NPW: variants seen among roughly 807,000 people sequenced by gnomAD.
NPW encodes the protein neuropeptide W, also known as prepro-neuropeptide W.
NPW carries 8 observed loss-of-function variants against 9.9 expected under a neutral mutation model. The observed-to-expected ratio is 0.81, with a 90% CI of 0.47 to 1.46. NPW has a LOEUF of 1.46. Among genes scored for constraint, NPW ranks in the 40% most tolerant of loss-of-function variants. The pLI is 0.00. For synonymous variants in NPW, 134 were observed against 119.9 expected, an observed-to-expected ratio of 1.12 and a Z score of -0.77; for missense variants, 287 against 240.3, an observed-to-expected ratio of 1.19 and a Z score of -1.28.
In NPW at chr16:2,020,703, C is replaced by T. The variant is rs1259505029; in HGVS notation, c.*84C>T. 18 of 767,988 alleles carry T rather than the reference C, an allele frequency of 2.3e-5. No homozygotes were observed. In the East Asian group the frequency reaches 4.7e-4, roughly 20 times the overall value. 47.6% of individuals were successfully genotyped at this position (767,988 alleles called of 1,614,324 possible). On this transcript the variant is annotated 3_prime_UTR_variant, in exon 2 of 2. Transcript: ENST00000566435. ...GCTTCCAGGAGCCGCTCATAGACCC[C>T]GCCTGCCGTCCGGTCAATAAAATCC...
chr16:2,020,108 C>A lies in NPW; in HGVS notation c.207C>A (p.Ala69=), dbSNP rs780963954. 5.3e-6 allele frequency: 8 copies of A among 1,515,588 alleles called. No individual in the cohort carries two copies. The highest frequency in any genetic ancestry group is 6.1e-6 in the Non-Finnish European group (7 of 1,141,220). 93.9% of individuals were successfully genotyped at this position (1,515,588 alleles called of 1,614,324 possible). Reference sequence around the variant, plus strand: ...TGTGGCGCCGCGCGCTGCGCGCGGCCGCCGGGCCCCTGGCCAGGGACACCC... The same window carrying A: ...TGTGGCGCCGCGCGCTGCGCGCGGCAGCCGGGCCCCTGGCCAGGGACACCC... Residue 69 remains alanine, a synonymous_variant, in exon 1 of 2, where the codon GCC becomes GCA. Coordinates refer to ENST00000566435, the MANE Select transcript of NPW (RefSeq NM_001099456.3).
At chr16:2,020,473 CG>C (rs1394589590) in intron 1 of NPW, 59 bp from the exon 2 acceptor site, 13 of 1,397,420 alleles carry the variant, frequency 9.3e-6, no homozygotes, top group Non-Finnish European at 1.3e-5. Flanking sequence ...CCCTGGCACC[CG>C]GGGGCGGTGG....
chr16:2,020,015 G>A lies in NPW; in HGVS notation c.114G>A (p.Ala38=), dbSNP rs966670620. ...CCGGCGCGTGGTACAAGCACGTGGC[G>A]AGTCCCCGCTACCACACGGTGGGCC... The change falls in exon 1 of 2, where the codon GCG becomes GCA. Residue 38 remains alanine (A), a synonymous_variant. Transcript: ENST00000566435. 1.3e-6 allele frequency: 2 copies of A among 1,497,806 alleles called. No homozygotes were observed. The highest frequency in any genetic ancestry group is 1.8e-6 in the Non-Finnish European group (2 of 1,129,470). 92.8% of individuals were successfully genotyped at this position (1,497,806 alleles called of 1,614,324 possible). A position where few individuals can be genotyped will look rare whatever the true frequency, so the allele number is the denominator to read the frequency against.
chr16:2,020,093 CGCGCTGCGCGCGGCCGCCGG>C lies in NPW; in HGVS notation c.195_214del (p.Leu66ProfsTer107), dbSNP rs773088080. On this transcript the variant is annotated frameshift_variant, in exon 1 of 2. Transcript: ENST00000566435. LOFTEE classifies it high-confidence loss of function. ...GTCGCTCACCCTATCTGTGGCGCCG[CGCGCTGCGCGCGGCCGCCGG>C]GCCCCTGGCCAGGGACACCCTCTCC... 4.7e-6 allele frequency: 7 copies of C among 1,500,290 alleles called. No homozygotes were observed. The South Asian group carries it at 7.5e-5, about 16-fold the overall frequency. The allele number at this position is 1,500,290 out of a possible 1,614,324, so 92.9% of individuals were successfully genotyped here. A position where few individuals can be genotyped will look rare whatever the true frequency, so the allele number is the denominator to read the frequency against.
rs2083825845 is a variant in NPW at position 2,019,877 on chromosome 16, C to T, written c.-25C>T. ...CCGAGCCGGTTCGTGGCCCGCCCCG[C>T]CGGGCGGCCGTCGACGCGAGCGCCC... On this transcript the variant is annotated 5_prime_UTR_variant, in exon 1 of 2. Coordinates refer to ENST00000566435, the MANE Select transcript of NPW (RefSeq NM_001099456.3). 8.2e-7 allele frequency: 1 copy of T among 1,215,484 alleles called. No individual in the cohort carries two copies. The allele number at this position is 1,215,484 out of a possible 1,614,324, so 75.3% of individuals were successfully genotyped here.
chr16:2,019,876 G>C lies in NPW; in HGVS notation c.-26G>C. On this transcript the variant is annotated 5_prime_UTR_variant, in exon 1 of 2. Coordinates refer to ENST00000566435, the MANE Select transcript of NPW (RefSeq NM_001099456.3). The stretch of plus-strand genomic sequence containing the variant: ...GCCGAGCCGGTTCGTGGCCCGCCCC[G>C]CCGGGCGGCCGTCGACGCGAGCGCC... 10 of 1,214,072 alleles carry C rather than the reference G, an allele frequency of 8.2e-6. No homozygotes were observed. Among genetic ancestry groups the C allele is most frequent in the Non-Finnish European group, 1.0e-5 (10 of 977,508 alleles). The allele number at this position is 1,214,072 out of a possible 1,614,324, so 75.2% of individuals were successfully genotyped here.
At position 2,019,877 on chromosome 16, in the gene NPW, CCGGGCGGCCG is replaced by C; in HGVS notation, c.-24_-15del. The C allele has an allele frequency of 8.2e-7, 1 of 1,215,484 alleles. No individual in the cohort carries two copies. Among genetic ancestry groups the C allele is most frequent in the South Asian group, 4.0e-5 (1 of 24,740 alleles). 75.3% of individuals were successfully genotyped at this position (1,215,484 alleles called of 1,614,324 possible). On this transcript the variant is annotated 5_prime_UTR_variant, in exon 1 of 2. Transcript: ENST00000566435. ...CCGAGCCGGTTCGTGGCCCGCCCCG[CCGGGCGGCCG>C]TCGACGCGAGCGCCCTGGCGTGGCG...
At position 2,019,792 on chromosome 16, in the gene NPW, C is replaced by T. The variant is rs185923183; in HGVS notation, c.-110C>T. The T allele has an allele frequency of 2.1e-3, 2,561 of 1,191,520 alleles. 66 individuals carry two copies. In the African/African-American group the frequency reaches 0.037, roughly 17 times the overall value. 73.8% of individuals were successfully genotyped at this position (1,191,520 alleles called of 1,614,324 possible). A position where few individuals can be genotyped will look rare whatever the true frequency, so the allele number is the denominator to read the frequency against. On this transcript the variant is annotated 5_prime_UTR_variant, in exon 1 of 2. Coordinates refer to ENST00000566435, the MANE Select transcript of NPW (RefSeq NM_001099456.3). ...GGCCTGCAGGGGACCCACGGCTCGCCTCCAGCCTCCTGCGCTCCGGTACCT... is the reference window on the plus strand; with the variant it reads ...GGCCTGCAGGGGACCCACGGCTCGCTTCCAGCCTCCTGCGCTCCGGTACCT...
In NPW at chr16:2,020,573, C is replaced by T; in HGVS notation, c.452C>T (p.Ala151Val). ...GTCTCCCGCCCAGCGGTGGACCCCG[C>T]AGCAAACCGCCTTGGCCTGCCCTGC... Residue 151 changes from alanine (A) to valine (V), a missense_variant, in exon 2 of 2, where the codon GCA (alanine) becomes GTA (valine). Transcript: ENST00000566435. 6.2e-7 allele frequency: 1 copy of T among 1,609,918 alleles called. No homozygotes were observed. The highest frequency in any genetic ancestry group is 8.5e-7 in the Non-Finnish European group (1 of 1,178,040).
rs1345599885 is a variant in NPW, at chr16:2,020,045, C to T, written c.144C>T (p.Ala48=). ...CCCGCTACCACACGGTGGGCCGCGC[C>T]GCTGGCCTGCTCATGGGGCTGCGTC... Residue 48 remains alanine (A), a synonymous_variant, in exon 1 of 2, where the codon GCC becomes GCT. Transcript: ENST00000566435. The T allele has an allele frequency of 1.3e-6, 2 of 1,505,396 alleles. No individual in the cohort carries two copies. The highest frequency in any genetic ancestry group is 5.3e-5 in the East Asian group (2 of 37,714). The allele number at this position is 1,505,396 out of a possible 1,614,324, so 93.3% of individuals were successfully genotyped here.
Position 2,020,209 on chromosome 16 carries a change from G to A in NPW, c.308G>A (p.Arg103His), listed in dbSNP as rs774419936. The change falls in exon 1 of 2, where the codon CGC (arginine) becomes CAC (histidine). Residue 103 changes from arginine to histidine, a missense_variant. Coordinates refer to ENST00000566435, the MANE Select transcript of NPW (RefSeq NM_001099456.3). ...GTTCAGGAGCTGTGGGAGACGCGAC[G>A]CAGGAGCTCCCAGGCAGGGATCCCC... The A allele has an allele frequency of 1.3e-6, 2 of 1,594,564 alleles. No individual in the cohort carries two copies. The highest frequency in any genetic ancestry group is 1.7e-6 in the Non-Finnish European group (2 of 1,174,032).
At position 2,019,967 on chromosome 16, in the gene NPW, T is replaced by TCTGCTC; in HGVS notation, c.72_77dup (p.Leu25_Leu26dup). 1 of 1,427,916 alleles carries TCTGCTC rather than the reference T, an allele frequency of 7.0e-7. No homozygotes were observed. The allele number at this position is 1,427,916 out of a possible 1,614,324, so 88.5% of individuals were successfully genotyped here. On this transcript the variant is annotated inframe_insertion, in exon 1 of 2. Transcript: ENST00000566435. ...GGCCGCGGCTGGCACTGCTGCTGCT[T>TCTGCTC]CTGCTCCTGCTGCCGCTGCCCTCCG...
At chr16:2,020,391 G>A in intron 1 of NPW, 79 bp downstream of exon 1, 1 of 1,331,540 alleles carries the variant, frequency 7.5e-7, no homozygotes, top group East Asian at 2.6e-5. Context: ...GGAGCCGCGC[G>A]TTCAGGGGGC....
chr16:2,019,929 G>T lies in NPW; in HGVS notation c.28G>T (p.Ala10Ser), dbSNP rs777778478. Residue 10 changes from alanine (A) to serine (S), a missense_variant, in exon 1 of 2, where the codon GCT becomes TCT. Ala to Ser is a moderately conservative substitution (Grantham distance 99). Transcript: ENST00000566435. ...GGCGTGGCGCCCAGGGGAGCGGGGG[G>T]CTCCCGCGAGCCGGCCGCGGCTGGC... is the stretch of plus-strand genomic sequence containing the variant. 6 of 1,323,542 alleles carry T rather than the reference G, an allele frequency of 4.5e-6. No individual in the cohort carries two copies. Among genetic ancestry groups the T allele is most frequent in the South Asian group, 2.0e-5 (1 of 48,964 alleles). 82.0% of individuals were successfully genotyped at this position (1,323,542 alleles called of 1,614,324 possible). A position where few individuals can be genotyped will look rare whatever the true frequency, so the allele number is the denominator to read the frequency against.
Position 2,019,897 on chromosome 16 carries a change from G to A in NPW, c.-5G>A. On this transcript the variant is annotated 5_prime_UTR_variant, in exon 1 of 2. Transcript: ENST00000566435. ...CCCCGCCGGGCGGCCGTCGACGCGA[G>A]CGCCCTGGCGTGGCGCCCAGGGGAG... 1 of 1,227,504 alleles carries A rather than the reference G, an allele frequency of 8.1e-7. No homozygotes were observed. The highest frequency in any genetic ancestry group is 1.0e-6 in the Non-Finnish European group (1 of 986,194). The allele number at this position is 1,227,504 out of a possible 1,614,324, so 76.0% of individuals were successfully genotyped here. A position where few individuals can be genotyped will look rare whatever the true frequency, so the allele number is the denominator to read the frequency against.
At position 2,020,663 on chromosome 16, in the gene NPW, G is replaced by A; in HGVS notation, c.*44G>A. 7.7e-7 allele frequency: 1 copy of A among 1,295,662 alleles called. No individual in the cohort carries two copies. Among genetic ancestry groups the A allele is most frequent in the Non-Finnish European group, 1.1e-6 (1 of 918,552 alleles). 80.3% of individuals were successfully genotyped at this position (1,295,662 alleles called of 1,614,324 possible). A position where few individuals can be genotyped will look rare whatever the true frequency, so the allele number is the denominator to read the frequency against. ...CGTGGCGCCTCCGCGCCTGACCCAG[G>A]AGGAGTGGCCGCGCGCTTCCAGGAG... On this transcript the variant is annotated 3_prime_UTR_variant, in exon 2 of 2. Transcript: ENST00000566435.
At position 2,020,180 on chromosome 16, in the gene NPW, G is replaced by T. The variant is rs781555009; in HGVS notation, c.279G>T (p.Ser93=). 7 of 1,594,334 alleles carry T rather than the reference G, an allele frequency of 4.4e-6. No individual in the cohort carries two copies. Among genetic ancestry groups the T allele is most frequent in the Non-Finnish European group, 6.0e-6 (7 of 1,173,562 alleles). Residue 93 remains serine, a synonymous_variant, in exon 1 of 2, where the codon TCG becomes TCT. Transcript: ENST00000566435. The stretch of plus-strand genomic sequence containing the variant: ...GCGAGGCTCCTCTCCTGCTGCCCTC[G>T]TGGGTTCAGGAGCTGTGGGAGACGC...
intron 1 of NPW, 75 bp from the exon 2 acceptor site, chr16:2,020,458 C>A: frequency 7.4e-7 from 1 of 1,354,296 alleles, no homozygotes; most frequent in Non-Finnish European, 1.0e-6. Context: ...CCTGGGCAGG[C>A]TCGACCCTGG....
Position 2,019,829 on chromosome 16 carries a change from C to G in NPW, c.-73C>G, listed in dbSNP as rs2083825352. ...GCGCTCCGGTACCTGGGCGTCCCAA[C>G]TCCACTGCGCGCCCAAACCCAGCCG... On this transcript the variant is annotated 5_prime_UTR_variant, in exon 1 of 2. Transcript: ENST00000566435. 2 of 1,200,872 alleles carry G rather than the reference C, an allele frequency of 1.7e-6. No homozygotes were observed. The highest frequency in any genetic ancestry group is 3.3e-4 in the Middle Eastern group (1 of 3,042). The allele number at this position is 1,200,872 out of a possible 1,614,324, so 74.4% of individuals were successfully genotyped here.
Sources: gnomAD v4.1 joint callset for allele counts on GRCh38, gnomAD v4.1.1 for gene constraint, MANE v1.5 for transcripts, NCBI Gene and HGNC (gene_info 2026-07-23, HGNC 2026-07-21) for gene names.